Variants in VAV1 observed in about 807,000 individuals in gnomAD.
VAV1 encodes vav guanine nucleotide exchange factor 1.
Under a neutral mutation model 128.1 loss-of-function variants are expected in VAV1, and 33 were observed. The observed-to-expected ratio is 0.26, with a 90% CI of 0.20 to 0.34. The LOEUF (loss-of-function observed/expected upper bound fraction) is 0.34. VAV1 is among the 10% of genes least tolerant of loss of function. The pLI is 1.00. For missense variants in VAV1, 715 were observed against 1,093.7 expected, an observed-to-expected ratio of 0.65 and a Z score of 4.88; for synonymous variants, 394 against 409.8, an observed-to-expected ratio of 0.96 and a Z score of 0.47.
Position 6,837,129 on chromosome 19 carries a change from C to T in VAV1, c.1980+79C>T, listed in dbSNP as rs904500159. 20 of 1,482,514 alleles carry T rather than the reference C, an allele frequency of 1.3e-5. No individual in the cohort carries two copies. The East Asian group carries it at 4.1e-4, about 30-fold the overall frequency. 91.8% of individuals were successfully genotyped at this position (1,482,514 alleles called of 1,614,324 possible). ...GGGAGGATGGACAGACTTGGAAAGA[C>T]ACCCCCGGAGTTGGGGAGGGGGCTG... is the stretch of plus-strand genomic sequence containing the variant. On this transcript the variant is annotated intron_variant, in intron 21 of 26. Transcript: ENST00000602142.
In VAV1 at chr19:6,820,815, C is replaced by T. The variant is rs1321630343; in HGVS notation, c.318C>T (p.Gly106=). Residue 106 remains glycine, a synonymous_variant, in exon 2 of 27, where the codon GGC becomes GGT. Transcript: ENST00000602142. The surrounding 1 kb of genome is among the most constrained non-coding windows in gnomAD (Gnocchi z 4.4). The part of the protein sequence containing the change: ...AFDLFDVQDF[G]KVIYTLSALS... ...ACCTCTTCGATGTGCAGGATTTTGGCAAGGTGAGCTGCACACTTGAAGCCC... is the reference window on the plus strand; with the variant it reads ...ACCTCTTCGATGTGCAGGATTTTGGTAAGGTGAGCTGCACACTTGAAGCCC... The T allele has an allele frequency of 6.2e-7, 1 of 1,613,996 alleles. No individual in the cohort carries two copies. Among genetic ancestry groups the T allele is most frequent in the African/African-American group, 1.3e-5 (1 of 75,056 alleles).
intron 1 of VAV1, among the ~76,000 whole-genome samples, chr19:6,784,530 C>T: frequency 6.8e-6 from 1 of 146,960 alleles, no homozygotes; most frequent in Non-Finnish European, 1.5e-5. Flanking sequence ...GTTTCACTCT[C>T]TCTCCCAGGC....
At chr19:6,781,536 G>A (rs1970765922) in intron 1 of VAV1, among the ~76,000 whole-genome samples, 1 of 151,298 alleles carries the variant, frequency 6.6e-6, no homozygotes, top group Non-Finnish European at 1.5e-5. Flanking sequence ...TTCTTCCTGT[G>A]ATACAATCTC....
intron 1 of VAV1, among the ~76,000 whole-genome samples, chr19:6,807,517 C>T (rs141872001): frequency 0.012 from 1,803 of 152,126 alleles, 9 homozygotes; most frequent in South Asian, 0.036. Flanking sequence ...TATGCTAGCT[C>T]ACCTGCCCAC....
intron 1 of VAV1, among the ~76,000 whole-genome samples, chr19:6,776,210 G>A (rs1454562047): frequency 6.7e-5 from 5 of 74,680 alleles, no homozygotes; most frequent in Admixed American, 1.5e-4. Flanking sequence ...CCATCCATCT[G>A]CTCATCCATT....
chr19:6,853,616 C>T (rs111958124), intron 25 of VAV1, among the ~76,000 whole-genome samples: 5 of 151,256 alleles, frequency 3.3e-5, no homozygotes, highest in African/African-American at 7.3e-5. Flanking sequence ...CTGTAATCCC[C>T]GTGATTCAGG....
intron 3 of VAV1, 24 bp downstream of exon 3, chr19:6,821,704 G>T (rs768435430): frequency 1.7e-5 from 27 of 1,614,152 alleles, no homozygotes; most frequent in Non-Finnish European, 2.3e-5. Context: ...TGGGCCTTGG[G>T]CCATTTAGCC....
chr19:6,837,032 G>C lies in VAV1; in HGVS notation c.1962G>C (p.Arg654Ser). 6.2e-7 allele frequency: 1 copy of C among 1,614,122 alleles called. No individual in the cohort carries two copies. The highest frequency in any genetic ancestry group is 8.5e-7 in the Non-Finnish European group (1 of 1,180,010). The change falls in exon 21 of 27, where the codon AGG becomes AGC. Residue 654 changes from arginine to serine, a missense_variant. Physicochemically the swap from Arg to Ser is moderately radical, Grantham distance 110. Around this residue, in one of 3 missense-constraint regions of VAV1, gnomAD observed 407 missense variants for 580.6 expected, o/e 0.70. Transcript: ENST00000602142. Reference protein sequence around the residue: ...TNEIGWFPCNRVKPYVHGPPQ... With the variant: ...TNEIGWFPCNSVKPYVHGPPQ... The stretch of plus-strand genomic sequence containing the variant: ...AAATTGGCTGGTTTCCTTGTAACAG[G>C]GTGAAGCCCTATGTCCATGTGAGTG...
chr19:6,784,181 G>A (rs1195237036), intron 1 of VAV1: 4 of 605,036 alleles, frequency 6.6e-6, no homozygotes, highest in Admixed American at 2.3e-5. Flanking sequence ...TTGAGCCCAG[G>A]AGTTTGATGC....
intron 1 of VAV1, among the ~76,000 whole-genome samples, chr19:6,813,765 G>A (rs75187391): frequency 0.014 from 2,141 of 152,186 alleles, 40 homozygotes; most frequent in African/African-American, 0.045. Flanking sequence ...TAAAACTTGA[G>A]TCTTGGGGCT....
chr19:6,817,908 G>C (rs1808562), intron 1 of VAV1, among the ~76,000 whole-genome samples: 3 of 151,946 alleles, frequency 2.0e-5, no homozygotes, highest in African/African-American at 4.8e-5. Flanking sequence ...GGATGGTCTC[G>C]ATCTCCTGAC....
intron 19 of VAV1, among the ~76,000 whole-genome samples, chr19:6,834,843 C>T (rs1972180847): frequency 1.3e-5 from 2 of 150,846 alleles, no homozygotes; most frequent in Non-Finnish European, 2.9e-5. Flanking sequence ...TGTGGTGGTT[C>T]ATGTCTGTGA....
At chr19:6,808,012 A>T (rs1296021981) in intron 1 of VAV1, among the ~76,000 whole-genome samples, 3 of 149,998 alleles carry the variant, frequency 2.0e-5, no homozygotes, top group Non-Finnish European at 4.4e-5. Context: ...AAAAAAAGAA[A>T]AGAAAAAGTT....
intron 21 of VAV1, among the ~76,000 whole-genome samples, chr19:6,838,097 G>GTCTA (rs151241479): frequency 0.3 from 44,203 of 146,358 alleles, 6,687 homozygotes; most frequent in South Asian, 0.44. Flanking sequence ...CTGTCTGTCT[G>GTCTA]TCTATCTATC....
chr19:6,813,225 G>A (rs543643237), intron 1 of VAV1, among the ~76,000 whole-genome samples: 2 of 152,322 alleles, frequency 1.3e-5, no homozygotes, highest in South Asian at 4.1e-4. Context: ...TAGCTGGAGG[G>A]TCTACTTCCT....
At chr19:6,801,969 C>A (rs896317993) in intron 1 of VAV1, among the ~76,000 whole-genome samples, 1 of 152,144 alleles carries the variant, frequency 6.6e-6, no homozygotes, top group Non-Finnish European at 1.5e-5. Context: ...GTGCCCGCCT[C>A]TTCCTGGAGG....
chr19:6,814,367 C>T (rs898645998), intron 1 of VAV1, among the ~76,000 whole-genome samples: 3 of 152,282 alleles, frequency 2.0e-5, no homozygotes, highest in Middle Eastern at 3.4e-3. Flanking sequence ...TACCTTCCCT[C>T]TTGCTCCGGA....
In VAV1 at chr19:6,793,383, A is replaced by C. The variant is rs998071645; in HGVS notation, c.204+20372A>C. On this transcript the variant is annotated intron_variant, in intron 1 of 26. Coordinates refer to ENST00000602142, the MANE Select transcript of VAV1 (RefSeq NM_005428.4). Reference sequence around the variant, plus strand: ...AGGACCATATATCAAAAATGACCCCAAAAGCAGAGGGAGCCAAGACACCAA... The same window carrying C: ...AGGACCATATATCAAAAATGACCCCCAAAGCAGAGGGAGCCAAGACACCAA... Among the ~76,000 whole-genome samples, 193 of 152,084 alleles carry C rather than the reference A, an allele frequency of 1.3e-3. 1 individual carries two copies. The highest frequency in any genetic ancestry group is 4.1e-4 in the Non-Finnish European group (28 of 68,010).
intron 21 of VAV1, among the ~76,000 whole-genome samples, chr19:6,839,192 C>T (rs1416107666): frequency 6.6e-6 from 1 of 151,106 alleles, no homozygotes; most frequent in Non-Finnish European, 1.5e-5. Context: ...TGAGCCACTG[C>T]ACCCAGCCGC....
Sources: gnomAD v4.1 joint callset for allele counts (sites outside exome capture counted in the v4.1 genomes callset) on GRCh38, gnomAD v4.1.1 for gene constraint, gnomAD v4.1.1 regional missense constraint, Gnocchi (gnomAD v3.1) non-coding constraint, MANE v1.5 for transcripts, NCBI Gene and HGNC (gene_info 2026-07-23, HGNC 2026-07-21) for gene names.